COQ2: variants seen among roughly 807,000 people sequenced by gnomAD.
The protein encoded by COQ2 is 4-hydroxybenzoate polyprenyltransferase, mitochondrial.
In COQ2, 25 loss-of-function variants were observed where a neutral mutation model predicts 35.7. The ratio of observed to expected loss-of-function variants is 0.70; its 90% CI spans 0.51 to 0.98. The LOEUF is 0.98. Ranked by LOEUF, COQ2 falls within the 50% of genes least tolerant of loss-of-function variation. The pLI is 0.00. For synonymous variants in COQ2, 206 were observed against 186.2 expected (o/e 1.11, Z -0.86); for missense variants, 488 against 473.5 (o/e 1.03, Z -0.28).
chr4:83,269,609 CTTTATTGCTTGTAA>C (rs1430751867), intron 5 of COQ2, among the ~76,000 whole-genome samples: 1 of 152,056 alleles, frequency 6.6e-6, no homozygotes, highest in African/African-American at 2.4e-5. Flanking sequence ...GTAAATACTA[CTTTATTGCTTGTAA>C]ATAAAATAAA....
chr4:83,272,163 CA>C lies in COQ2; in HGVS notation c.551del (p.Leu184ArgfsTer14), dbSNP rs1458437821. 25 of 1,606,516 alleles carry C rather than the reference CA, an allele frequency of 1.6e-5. No individual in the cohort carries two copies. Among genetic ancestry groups the C allele is most frequent in the Non-Finnish European group, 2.0e-5 (23 of 1,175,980 alleles). On this transcript the variant is annotated frameshift_variant, in exon 4 of 7. Coordinates refer to ENST00000647002, the MANE Select transcript of COQ2 (RefSeq NM_001358921.2). LOFTEE classifies it high-confidence loss of function. ...LLCLNYYSIALGAGSLLLVIT... is the reference protein window; with the variant it reads ...LLCLNYYSIAXGAGSLLLVIT... ...TGACAAGAAGTAAGGATCCTGCTCCCAGAGCTATACTGAAAAGAGGAAAAAC... is the reference window on the plus strand; with the variant it reads ...TGACAAGAAGTAAGGATCCTGCTCCCGAGCTATACTGAAAAGAGGAAAAAC...
intron 5 of COQ2, among the ~76,000 whole-genome samples, chr4:83,268,472 C>A (rs912152039): frequency 6.6e-6 from 1 of 152,214 alleles, no homozygotes; most frequent in Admixed American, 6.5e-5. Context: ...TACCGGCAGA[C>A]AGCAACCTGA....
At chr4:83,284,370 C>T in intron 1 of COQ2, 142 bp downstream of exon 1, 2 of 1,406,908 alleles carry the variant, frequency 1.4e-6, no homozygotes, top group Non-Finnish European at 1.8e-6. Context: ...CGCCCCAGGG[C>T]GCACGGCACC....
At chr4:83,265,777 G>A (rs1214859188) in intron 6 of COQ2, among the ~76,000 whole-genome samples, 2 of 151,812 alleles carry the variant, frequency 1.3e-5, no homozygotes, top group Non-Finnish European at 2.9e-5. Context: ...TGATTCTCCT[G>A]CCTCAGCCTC....
intron 1 of COQ2, among the ~76,000 whole-genome samples, chr4:83,280,412 C>T (rs558609207): frequency 2.0e-5 from 3 of 152,230 alleles, no homozygotes; most frequent in Admixed American, 2.0e-4. Flanking sequence ...TGACTAAAGT[C>T]CCTGTAATCA....
At chr4:83,266,810 G>A (rs1734929953) in intron 6 of COQ2, 1 of 187,200 alleles carries the variant, frequency 5.3e-6, no homozygotes, top group South Asian at 7.7e-5. Context: ...CTCTCTACTG[G>A]CAGAACTTTG....
At chr4:83,276,068 T>TATATATA (rs1408651634) in intron 2 of COQ2, among the ~76,000 whole-genome samples, 5 of 10,194 alleles carry the variant, frequency 4.9e-4, no homozygotes, top group Non-Finnish European at 8.9e-4. Context: ...TAATATATAT[T>TATATATA]TTATATATAA....
At chr4:83,278,834 T>C (rs941813807) in intron 2 of COQ2, 114 bp downstream of exon 2, 25 of 1,164,148 alleles carry the variant, frequency 2.1e-5, no homozygotes, top group East Asian at 2.9e-5. Flanking sequence ...CCATGCTGGA[T>C]TTCTGTGGTC....
At chr4:83,269,710 T>C (rs1443925107) in intron 5 of COQ2, 150 bp downstream of exon 5, 4 of 755,296 alleles carry the variant, frequency 5.3e-6, no homozygotes, top group African/African-American at 3.7e-5. Flanking sequence ...TGACTTTCTT[T>C]TTAGAAAAAA....
intron 1 of COQ2, among the ~76,000 whole-genome samples, chr4:83,279,893 C>G (rs1735277529): frequency 1.5e-5 from 2 of 129,218 alleles, no homozygotes; most frequent in Admixed American, 8.2e-5. Flanking sequence ...CAGCATCTCA[C>G]TCTGTCACCC....
chr4:83,267,114 C>G, intron 6 of COQ2: 1 of 452,634 alleles, frequency 2.2e-6, no homozygotes, highest in Non-Finnish European at 4.4e-6. Context: ...GTAGCTCACA[C>G]TGGTAATCCC....
At chr4:83,283,256 G>GGC (rs2126176575) in intron 1 of COQ2, 1 of 985,098 alleles carries the variant, frequency 1.0e-6, no homozygotes, top group Non-Finnish European at 1.2e-6. Flanking sequence ...AATGTACCTA[G>GGC]GCCTTTGACT....
At chr4:83,283,570 T>G (rs1484183632) in intron 1 of COQ2, 1 of 985,370 alleles carries the variant, frequency 1.0e-6, no homozygotes, top group South Asian at 4.7e-5. Context: ...CAGTAATTTC[T>G]CTTTTTCCTG....
intron 4 of COQ2, among the ~76,000 whole-genome samples, chr4:83,270,493 T>C (rs1268555338): frequency 6.6e-6 from 1 of 152,152 alleles, no homozygotes; most frequent in Non-Finnish European, 1.5e-5. Context: ...TGTTGACAGC[T>C]CTCAAATCTC....
intron 3 of COQ2, among the ~76,000 whole-genome samples, chr4:83,272,925 G>C (rs1475344853): frequency 6.6e-6 from 1 of 152,158 alleles, no homozygotes; most frequent in Non-Finnish European, 1.5e-5. Context: ...ACGCAATTAA[G>C]TCTAGTCTCC....
chr4:83,265,599 C>CAAA (rs1475420908), intron 6 of COQ2, among the ~76,000 whole-genome samples: 2 of 151,718 alleles, frequency 1.3e-5, no homozygotes, highest in African/African-American at 4.8e-5. Context: ...ACAACAACAA[C>CAAA]AACAAAACTG....
intron 2 of COQ2, among the ~76,000 whole-genome samples, chr4:83,278,602 T>C (rs74414027): frequency 0.023 from 3,535 of 152,328 alleles, 141 homozygotes; most frequent in African/African-American, 0.08. Context: ...AAATACATCT[T>C]AAAGGAAGGG....
chr4:83,268,867 T>C (rs544585945), intron 5 of COQ2, among the ~76,000 whole-genome samples: 20 of 152,306 alleles, frequency 1.3e-4, no homozygotes, highest in Non-Finnish European at 2.8e-4. Context: ...GAATATATAA[T>C]CATATTTCAG....
intron 2 of COQ2, among the ~76,000 whole-genome samples, chr4:83,277,999 C>G (rs1216964129): frequency 1.3e-5 from 2 of 151,422 alleles, no homozygotes; most frequent in Admixed American, 6.6e-5. Flanking sequence ...CACACACACA[C>G]ACACACACAC....
Sources: gnomAD v4.1 joint callset for allele counts (sites outside exome capture counted in the v4.1 genomes callset) on GRCh38, gnomAD v4.1.1 for gene constraint, MANE v1.5 for transcripts, NCBI Gene and HGNC (gene_info 2026-07-23, HGNC 2026-07-21) for gene names.